The following CACNB2 variants were observed in gnomAD, a reference collection of about 807,000 sequenced individuals.
CACNB2 encodes voltage-dependent L-type calcium channel subunit beta-2.
A neutral mutation model predicts 73.3 loss-of-function variants in CACNB2; 42 were observed. The ratio of observed to expected loss-of-function variants is 0.57; its 90% CI spans 0.45 to 0.74. The LOEUF is 0.74. Among genes scored for constraint, CACNB2 ranks in the 30% least tolerant of loss-of-function variants. The pLI, the probability that CACNB2 is intolerant of heterozygous loss-of-function variation, is 0.00. For missense variants in CACNB2, 940 were observed against 853.0 expected, an observed-to-expected ratio of 1.10 and a Z score of -1.27; for synonymous variants, 348 against 310.3, an observed-to-expected ratio of 1.12 and a Z score of -1.28.
At chr10:18,289,381 G>A (rs1057184632) in intron 2 of CACNB2, among the ~76,000 whole-genome samples, 12 of 143,014 alleles carry the variant, frequency 8.4e-5, no homozygotes, top group South Asian at 2.3e-4. Context: ...TGCAAGCTCC[G>A]CCTCCCGGGT....
At chr10:18,141,234 G>A in intron 1 of CACNB2, 2 of 939,040 alleles carry the variant, frequency 2.1e-6, no homozygotes, top group Middle Eastern at 3.1e-4. Context: ...GGGTGGGCGG[G>A]AGGGGGCCCG....
chr10:18,206,524 C>T (rs376080673), intron 2 of CACNB2: 7 of 152,482 alleles, frequency 4.6e-5, no homozygotes, highest in African/African-American at 1.2e-4. Context: ...TCATGCTGTG[C>T]ATGTTCCTTC....
rs553081226 is a variant in CACNB2 at position 18,409,339 on chromosome 10, T to C, written c.333+7296T>C. On this transcript the variant is annotated intron_variant, in intron 3 of 13. Coordinates refer to ENST00000324631, the MANE Select transcript of CACNB2 (RefSeq NM_201596.3). ...AAAAAGTAGAGACAAAGTCTCCTTATGTTGCCCAGCCTGGTCTTGAACTCC... is the reference window on the plus strand; with the variant it reads ...AAAAAGTAGAGACAAAGTCTCCTTACGTTGCCCAGCCTGGTCTTGAACTCC... Among the ~76,000 whole-genome samples, 37 of 151,080 alleles carry C rather than the reference T, an allele frequency of 2.4e-4. 2 individuals are homozygous for C. The South Asian group carries it at 7.8e-3, about 32-fold the overall frequency.
chr10:18,501,992 A>C (rs1337239060), intron 5 of CACNB2, among the ~76,000 whole-genome samples: 1 of 152,226 alleles, frequency 6.6e-6, no homozygotes, highest in Non-Finnish European at 1.5e-5. Flanking sequence ...TCAGTCATAT[A>C]AAAGTAGAGG....
chr10:18,303,753 TG>T (rs1035263011), intron 2 of CACNB2, among the ~76,000 whole-genome samples: 1 of 152,204 alleles, frequency 6.6e-6, no homozygotes, highest in African/African-American at 2.4e-5. Context: ...GCGCTGCCCT[TG>T]ACTAGTTGTG....
At chr10:18,278,298 A>T (rs1393602830) in intron 2 of CACNB2, among the ~76,000 whole-genome samples, 1 of 151,736 alleles carries the variant, frequency 6.6e-6, no homozygotes, top group Non-Finnish European at 1.5e-5. Flanking sequence ...TGAGCAACAT[A>T]GTGAGACCCT....
chr10:18,298,939 T>C (rs1294143062), intron 2 of CACNB2, among the ~76,000 whole-genome samples: 1 of 151,890 alleles, frequency 6.6e-6, no homozygotes, highest in Non-Finnish European at 1.5e-5. Context: ...GTTGGAGAGA[T>C]TGCACTGTGA....
intron 2 of CACNB2, among the ~76,000 whole-genome samples, chr10:18,158,729 G>T (rs570180576): frequency 2.6e-5 from 4 of 152,108 alleles, no homozygotes; most frequent in South Asian, 2.1e-4. Flanking sequence ...TTATTTTAGA[G>T]CCAAAATCTA....
chr10:18,340,639 C>A, intron 2 of CACNB2: 1 of 1,284,288 alleles, frequency 7.8e-7, no homozygotes, highest in Non-Finnish European at 1.0e-6. Flanking sequence ...AGCCAGCTGA[C>A]GTAATTCAGA....
At chr10:18,397,338 G>A (rs6482384) in intron 2 of CACNB2, among the ~76,000 whole-genome samples, 2 of 151,894 alleles carry the variant, frequency 1.3e-5, no homozygotes, top group South Asian at 4.1e-4. Flanking sequence ...GGTGGCGCAT[G>A]CCTGTAATTT....
intron 7 of CACNB2, among the ~76,000 whole-genome samples, chr10:18,517,915 C>T (rs1206266808): frequency 6.6e-6 from 1 of 152,154 alleles, no homozygotes; most frequent in Non-Finnish European, 1.5e-5. Flanking sequence ...ATCTTTCTTT[C>T]CTCTGTAATT....
intron 1 of CACNB2, 50 bp downstream of exon 1, chr10:18,140,906 G>T (rs1588524588): frequency 1.3e-6 from 2 of 1,558,200 alleles, no homozygotes; most frequent in African/African-American, 2.7e-5. Flanking sequence ...GCCGGGCAGG[G>T]CACCGACCTC....
chr10:18,532,828 A>T (rs1294984563), intron 10 of CACNB2, among the ~76,000 whole-genome samples: 1 of 152,174 alleles, frequency 6.6e-6, no homozygotes, highest in African/African-American at 2.4e-5. Flanking sequence ...TGAAACAAAG[A>T]TGAAAATCTT....
chr10:18,241,899 G>A (rs143466689), intron 2 of CACNB2, among the ~76,000 whole-genome samples: 24 of 152,100 alleles, frequency 1.6e-4, no homozygotes, highest in African/African-American at 5.5e-4. Context: ...GAGAAGAATT[G>A]TAAGTGGATT....
chr10:18,463,588 T>TTTG (rs1554824063), intron 3 of CACNB2, among the ~76,000 whole-genome samples: 6 of 83,812 alleles, frequency 7.2e-5, no homozygotes, highest in Non-Finnish European at 1.6e-4. Flanking sequence ...CTAGTTGTTT[T>TTTG]TTTTTTGTTG....
intron 2 of CACNB2, among the ~76,000 whole-genome samples, chr10:18,349,723 A>AT (rs1420853898): frequency 8.8e-6 from 1 of 114,234 alleles, no homozygotes; most frequent in African/African-American, 3.3e-5. Context: ...GTTGGAGATG[A>AT]TTTAAAAAAA....
At chr10:18,401,805 TCTC>T in intron 2 of CACNB2, 116 bp from the exon 3 acceptor site, 2 of 987,748 alleles carry the variant, frequency 2.0e-6, no homozygotes, top group Non-Finnish European at 3.2e-6. Flanking sequence ...TGAATTATTT[TCTC>T]CTCTTTTCAG....
chr10:18,234,572 C>T (rs1484518801), intron 2 of CACNB2, among the ~76,000 whole-genome samples: 1 of 152,196 alleles, frequency 6.6e-6, no homozygotes, highest in African/African-American at 2.4e-5. Flanking sequence ...GAAGGTATTT[C>T]TCACACATGA....
chr10:18,203,948 G>C (rs1000214045), intron 2 of CACNB2, among the ~76,000 whole-genome samples: 4 of 152,154 alleles, frequency 2.6e-5, no homozygotes, highest in Non-Finnish European at 5.9e-5. Flanking sequence ...GGAAAATACA[G>C]TCGTTTTTGT....
Sources: allele counts gnomAD v4.1 joint callset (sites outside exome capture counted in the v4.1 genomes callset), GRCh38; gene constraint gnomAD v4.1.1; transcripts MANE v1.5; gene names NCBI Gene and HGNC (gene_info 2026-07-23, HGNC 2026-07-21).